NOC3L: variants seen among roughly 807,000 people sequenced by gnomAD.
NOC3L encodes NOC3 like DNA replication regulator.
NOC3L carries 85 observed loss-of-function variants against 102.5 expected under a neutral mutation model. The ratio of observed to expected loss-of-function variants is 0.83; its 90% confidence interval spans 0.70 to 0.99. NOC3L has a LOEUF of 0.99. Ranked by LOEUF, NOC3L falls within the 50% of genes least tolerant of loss-of-function variation. The probability of loss-of-function intolerance (pLI) is 0.00; values close to 1 mark genes in which losing one functional copy is unlikely to be tolerated. For synonymous variants in NOC3L, 303 were observed against 309.4 expected (o/e 0.98, Z 0.22); for missense variants, 878 against 914.9 (o/e 0.96, Z 0.52).
the NOC3L span, chr10:94,316,742 A>G: frequency 2.5e-6 from 4 of 1,613,404 alleles, no homozygotes; most frequent in Non-Finnish European, 3.4e-6. Flanking sequence ...GATTGTCTTA[A>G]AAACCCAGCA....
intron 14 of NOC3L, among the ~76,000 whole-genome samples, chr10:94,341,463 C>T (rs1215679802): frequency 1.3e-5 from 2 of 150,948 alleles, no homozygotes; most frequent in Non-Finnish European, 2.9e-5. Context: ...GGTCAGACAA[C>T]CCTCCTGCTT....
chr10:94,340,387 C>T, intron 15 of NOC3L, 40 bp from the exon 16 acceptor site: 7 of 1,602,738 alleles, frequency 4.4e-6, no homozygotes, highest in Non-Finnish European at 6.0e-6. Flanking sequence ...TATGTTATAG[C>T]ATTCAAAGGT....
At chr10:94,336,236 G>T (rs1276111085) in intron 19 of NOC3L, among the ~76,000 whole-genome samples, 1 of 152,132 alleles carries the variant, frequency 6.6e-6, no homozygotes, top group Non-Finnish European at 1.5e-5. Flanking sequence ...CCCTCCAGAA[G>T]ATGCAGCAAC....
chr10:94,319,862 C>CTTTTTTTTT, the NOC3L span, among the ~76,000 whole-genome samples: 1 of 86,198 alleles, frequency 1.2e-5, no homozygotes, highest in Non-Finnish European at 2.6e-5. Flanking sequence ...CTCAAAGGTG[C>CTTTTTTTTT]TCTTTTTTTT....
At chr10:94,350,345 G>C (rs2054400002) in intron 8 of NOC3L, 57 bp from the exon 9 acceptor site, 1 of 1,478,502 alleles carries the variant, frequency 6.8e-7, no homozygotes. Context: ...AAACTAATTG[G>C]CTTTCTTTTA....
intron 17 of NOC3L, among the ~76,000 whole-genome samples, chr10:94,339,373 T>C (rs145628495): frequency 6.6e-6 from 1 of 152,328 alleles, no homozygotes; most frequent in East Asian, 1.9e-4. Flanking sequence ...GACATTATAA[T>C]GTGTTTACCA....
At chr10:94,342,782 T>C (rs1054729935) in intron 13 of NOC3L, among the ~76,000 whole-genome samples, 5 of 151,278 alleles carry the variant, frequency 3.3e-5, no homozygotes, top group Non-Finnish European at 7.4e-5. Context: ...ATGATTCCAT[T>C]TGCATGAAAG....
Position 94,340,327 on chromosome 10 carries a change from G to C in NOC3L, c.1729C>G (p.Pro577Ala). 1 of 1,613,072 alleles carries C rather than the reference G, an allele frequency of 6.2e-7. No homozygotes were observed. Among genetic ancestry groups the C allele is most frequent in the Non-Finnish European group, 8.5e-7 (1 of 1,179,602 alleles). ...SGQGDVLNID[P>A]LKFYTHLYKT... ...TAGAGATGTGTGTAGAATTTCAATG[G>C]ATCAATATTCAGAACATCACCTTTG... Residue 577 changes from proline (P) to alanine (A), a missense_variant, in exon 16 of 21, where the codon CCA (proline) becomes GCA (alanine). By Grantham distance (27) the Pro-to-Ala change is conservative (BLOSUM62 -1). Coordinates refer to ENST00000371361, the MANE Select transcript of NOC3L (RefSeq NM_022451.11).
At chr10:94,325,398 C>T in the NOC3L span, 44 of 315,858 alleles carry the variant, frequency 1.4e-4, no homozygotes, top group South Asian at 1.3e-3. Context: ...CAGTTCAAGA[C>T]CAGCCTGACC....
At chr10:94,329,097 GAA>G (rs796596647), downstream of NOC3L, 11 of 152,256 alleles carry the variant, frequency 7.2e-5, no homozygotes, top group African/African-American at 2.4e-4. Context: ...CTTCTAAAAA[GAA>G]AATATATGCT....
intron 12 of NOC3L, 73 bp downstream of exon 12, chr10:94,344,780 G>T: frequency 7.9e-7 from 1 of 1,261,384 alleles, no homozygotes; most frequent in Non-Finnish European, 1.1e-6. Context: ...ACAGCTACAA[G>T]CTGAAACAAT....
At chr10:94,325,768 C>A in the NOC3L span, 1 of 152,170 alleles carries the variant, frequency 6.6e-6, no homozygotes, top group African/African-American at 2.4e-5. Context: ...GTATTAATAG[C>A]TGACAGAAAC....
At chr10:94,360,742 T>C (rs1466752027) in intron 2 of NOC3L, among the ~76,000 whole-genome samples, 16 of 152,186 alleles carry the variant, frequency 1.1e-4, no homozygotes, top group Admixed American at 1.0e-3. Flanking sequence ...CTTGAGGTGA[T>C]GGATACCACA....
the NOC3L span, among the ~76,000 whole-genome samples, chr10:94,321,646 A>AC: frequency 2.2e-4 from 33 of 148,964 alleles, no homozygotes; most frequent in Non-Finnish European, 3.6e-4. Context: ...AAAAAAAAAA[A>AC]CCCACAGCTA....
In NOC3L at chr10:94,350,151, C is replaced by T. The variant is rs368849782; in HGVS notation, c.1090G>A (p.Val364Ile). The T allele has an allele frequency of 6.2e-6, 10 of 1,613,956 alleles. No individual in the cohort carries two copies. The Admixed American group carries it at 6.7e-5, about 11-fold the overall frequency. The change falls in exon 9 of 21, where the codon GTA (valine) becomes ATA (isoleucine). Residue 364 changes from valine (V) to isoleucine (I), a missense_variant. Transcript: ENST00000371361. ...PHFNFHNNIIVLIVPLMNDMS... is the reference protein window; with the variant it reads ...PHFNFHNNIIILIVPLMNDMS... ...TCATTCATGAGAGGGACAATCAATACGATGATGTTGTTGTGAAAGTTAAAA... is the reference window on the plus strand; with the variant it reads ...TCATTCATGAGAGGGACAATCAATATGATGATGTTGTTGTGAAAGTTAAAA...
chr10:94,330,605 T>C (rs1017577584), downstream of NOC3L: 1 of 151,580 alleles, frequency 6.6e-6, no homozygotes, highest in Non-Finnish European at 1.5e-5. Context: ...CAGGAGAGAA[T>C]TGCCTGAACT....
At chr10:94,326,400 A>C in the NOC3L span, among the ~76,000 whole-genome samples, 1 of 152,206 alleles carries the variant, frequency 6.6e-6, no homozygotes, top group Non-Finnish European at 1.5e-5. Flanking sequence ...AAAATAACTG[A>C]TGTCCTATAT....
downstream of NOC3L, chr10:94,331,554 GCAGGGAAAGTGCTCT>G (rs1184772203): frequency 1.3e-5 from 2 of 152,204 alleles, no homozygotes; most frequent in African/African-American, 4.8e-5. Context: ...TTGGCAGCCT[GCAGGGAAAGTGCTCT>G]CATGGTGAAA....
At chr10:94,318,131 T>C in the NOC3L span, among the ~76,000 whole-genome samples, 1 of 152,222 alleles carries the variant, frequency 6.6e-6, no homozygotes, top group South Asian at 2.1e-4. Context: ...TGACCTTGCC[T>C]GAGACAATGA....
Sources: allele counts gnomAD v4.1 joint callset (sites outside exome capture counted in the v4.1 genomes callset), GRCh38; gene constraint gnomAD v4.1.1; transcripts MANE v1.5; gene names NCBI Gene and HGNC (gene_info 2026-07-23, HGNC 2026-07-21).